NLGN3: variants seen among roughly 807,000 people sequenced by gnomAD.
NLGN3 encodes the protein neuroligin-3.
In NLGN3, 11 loss-of-function variants were observed where a neutral mutation model predicts 42.9. That is an observed-to-expected ratio of 0.26 (90% CI 0.16 to 0.42). The LOEUF (loss-of-function observed/expected upper bound fraction) is 0.42. NLGN3 is among the 10% of genes least tolerant of loss of function. The pLI is 1.00. For synonymous variants in NLGN3, 279 were observed against 312.7 expected (o/e 0.89, Z 1.14); for missense variants, 374 against 733.8 (o/e 0.51, Z 5.67).
Position 71,170,664 on chromosome X carries a change from G to A in NLGN3, c.*567G>A. The A allele has an allele frequency of 1.3e-6, 1 of 769,804 alleles. No individual in the cohort carries two copies. The highest frequency in any genetic ancestry group is 1.5e-6 in the Non-Finnish European group (1 of 648,129). 63.4% of individuals were successfully genotyped at this position (769,804 alleles called of 1,213,427 possible). The stretch of plus-strand genomic sequence containing the variant: ...GGGCTTCAGGCCCGAAGGTCTCTCT[G>A]GCTCTAGGACCCCCAGTGCTCACAC... On this transcript the variant is annotated 3_prime_UTR_variant, in exon 8 of 8. Transcript: ENST00000358741.
At chrX:71,172,627 C>CGTGTGTGT (rs59876964), downstream of NLGN3, among the ~76,000 whole-genome samples, 902 of 100,504 alleles carry the variant, frequency 9.0e-3, 12 homozygotes, top group African/African-American at 0.028. Context: ...TGTGTGCATG[C>CGTGTGTGT]GTGTGTGTGT....
At position 71,169,835 on chromosome X, in the gene NLGN3, A is replaced by T; in HGVS notation, c.2285A>T (p.Glu762Val). Reference protein sequence around the residue: ...APELGAAPEEELAALQLGPTH... With the variant: ...APELGAAPEEVLAALQLGPTH... The stretch of plus-strand genomic sequence containing the variant: ...GAGTTGGGAGCTGCTCCAGAGGAGG[A>T]GCTGGCAGCATTACAACTGGGCCCC... Residue 762 changes from glutamate to valine, a missense_variant, in exon 8 of 8, where the codon GAG becomes GTG. Glu to Val is a moderately radical substitution (Grantham distance 121). This residue lies in a region of NLGN3 where 92 missense variants were observed against 108.0 expected (regional missense o/e 0.85). Coordinates refer to ENST00000358741, the MANE Select transcript of NLGN3 (RefSeq NM_181303.2). 8.3e-7 allele frequency: 1 copy of T among 1,202,670 alleles called. No individual in the cohort carries two copies. Among genetic ancestry groups the T allele is most frequent in the African/African-American group, 1.7e-5 (1 of 57,327 alleles).
chrX:71,167,505 C>T lies in NLGN3; in HGVS notation c.1408C>T (p.Arg470Cys). 8.3e-7 allele frequency: 1 copy of T among 1,211,191 alleles called. No homozygotes were observed. Among genetic ancestry groups the T allele is most frequent in the East Asian group, 3.0e-5 (1 of 33,823 alleles). Residue 470 changes from arginine (R) to cysteine (C), a missense_variant, in exon 7 of 8, where the codon CGC (arginine) becomes TGC (cysteine). Transcript: ENST00000358741. ...GGCAGACCGTGACAACCCTGAGACC[C>T]GCCGTAAAACACTGGTGGCACTCTT... The part of the protein sequence containing the change: ...DWADRDNPET[R>C]RKTLVALFTD...
At chrX:71,159,738 T>A (rs979811437) in intron 5 of NLGN3, among the ~76,000 whole-genome samples, 5 of 108,174 alleles carry the variant, frequency 4.6e-5, no homozygotes. Flanking sequence ...TTTTTTTTTT[T>A]AATTGAGACA....
At chrX:71,173,256 T>C (rs918890382), downstream of NLGN3, among the ~76,000 whole-genome samples, 3 of 111,410 alleles carry the variant, frequency 2.7e-5, no homozygotes, top group Non-Finnish European at 5.7e-5. Context: ...GCCTCTCCTC[T>C]AAGAACTCAA....
intron 3 of NLGN3, among the ~76,000 whole-genome samples, chrX:71,152,493 G>A (rs1030213283): frequency 1.8e-5 from 2 of 110,430 alleles, no homozygotes; most frequent in Non-Finnish European, 1.9e-5. Context: ...GGTGTGAATC[G>A]CACCTCTAGC....
intron 3 of NLGN3, 22 bp downstream of exon 3, chrX:71,148,927 AGG>A (rs1190425731): frequency 4.1e-6 from 4 of 980,815 alleles, no homozygotes; most frequent in Non-Finnish European, 4.1e-6. Flanking sequence ...GCCGGCGGGG[AGG>A]GAGAGAGAGA....
At chrX:71,151,137 G>T (rs2147870433) in intron 3 of NLGN3, among the ~76,000 whole-genome samples, 1 of 110,602 alleles carries the variant, frequency 9.0e-6, no homozygotes, top group African/African-American at 3.3e-5. Flanking sequence ...GGCCAATATG[G>T]TGAAACCCCA....
intron 3 of NLGN3, among the ~76,000 whole-genome samples, chrX:71,152,090 A>G (rs1283413043): frequency 9.0e-6 from 1 of 111,414 alleles, no homozygotes; most frequent in African/African-American, 3.3e-5. Flanking sequence ...ATCAGAGTCC[A>G]GACCGGCTGG....
intron 4 of NLGN3, 72 bp downstream of exon 4, chrX:71,153,608 C>A: frequency 3.2e-6 from 3 of 925,861 alleles, no homozygotes; most frequent in African/African-American, 1.9e-5. Flanking sequence ...TGGGGAGAAG[C>A]CCCGTCTGTC....
intron 7 of NLGN3, among the ~76,000 whole-genome samples, chrX:71,168,828 AGAAAGAAAGAAAG>A (rs1569485663): frequency 7.1e-5 from 5 of 70,115 alleles, no homozygotes; most frequent in African/African-American, 4.0e-4. Context: ...AAAAAAAGAA[AGAAAGAAAGAAAG>A]AAAGAAAGAA....
intron 7 of NLGN3, among the ~76,000 whole-genome samples, chrX:71,168,816 A>G (rs866954439): frequency 2.1e-5 from 1 of 47,477 alleles, no homozygotes; most frequent in African/African-American, 3.3e-4. Context: ...AAGAAAGAGA[A>G]AAAAAAAAGA....
chrX:71,171,078 T>G lies in NLGN3; in HGVS notation c.*981T>G, dbSNP rs2092470095. 2 of 154,726 alleles carry G rather than the reference T, an allele frequency of 1.3e-5. No homozygotes were observed. Among genetic ancestry groups the G allele is most frequent in the Non-Finnish European group, 2.0e-5 (2 of 99,010 alleles). The allele number at this position is 154,726 out of a possible 1,213,427, so 12.8% of individuals were successfully genotyped here. ...AGGCGGTGTTTTTTGTTGTTGTTGGTTTTTTTTTTTTTTTAAAGAAAAGTT... is the reference window on the plus strand; with the variant it reads ...AGGCGGTGTTTTTTGTTGTTGTTGGGTTTTTTTTTTTTTTAAAGAAAAGTT... On this transcript the variant is annotated 3_prime_UTR_variant, in exon 8 of 8. Coordinates refer to ENST00000358741, the MANE Select transcript of NLGN3 (RefSeq NM_181303.2).
chrX:71,146,358 G>GGCGTGGGTGT (rs1474936572), intron 1 of NLGN3, among the ~76,000 whole-genome samples: 1 of 107,998 alleles, frequency 9.3e-6, no homozygotes, highest in Non-Finnish European at 1.9e-5. Flanking sequence ...ATGTGCATGT[G>GGCGTGGGTGT]GCGTGGGTGT....
In NLGN3 at chrX:71,147,806, C is replaced by A; in HGVS notation, c.57C>A (p.Gly19=). 1 of 1,210,193 alleles carries A rather than the reference C, an allele frequency of 8.3e-7. No individual in the cohort carries two copies. The highest frequency in any genetic ancestry group is 3.0e-5 in the East Asian group (1 of 33,781). ...CCCTGAGCCCCAAGCCCACGGTTGG[C>A]AGGAGCCTGTGCCTCACCCTGTGGT... ...SLSLSPKPTV[G]RSLCLTLWFL... is the part of the protein sequence containing the mutation. The change falls in exon 2 of 8, where the codon GGC becomes GGA. Residue 19 remains glycine, a synonymous_variant. Coordinates refer to ENST00000358741, the MANE Select transcript of NLGN3 (RefSeq NM_181303.2).
At chrX:71,157,287 C>CTTCT (rs2092412733) in intron 5 of NLGN3, among the ~76,000 whole-genome samples, 1 of 99,886 alleles carries the variant, frequency 1.0e-5, no homozygotes. Context: ...TTTTAATTTG[C>CTTCT]TTATTTATTT....
chrX:71,154,312 G>C (rs990683501), intron 4 of NLGN3, among the ~76,000 whole-genome samples: 10 of 113,357 alleles, frequency 8.8e-5, no homozygotes, highest in Admixed American at 1.8e-4. Context: ...CAGCTCAGGG[G>C]GGCCCAGTGG....
chrX:71,169,120 A>G, intron 7 of NLGN3, 134 bp from the exon 8 acceptor site: 1 of 712,887 alleles, frequency 1.4e-6, no homozygotes, highest in Non-Finnish European at 2.1e-6. Context: ...TGGGCAGAGC[A>G]GGGGACCCTG....
At chrX:71,160,213 CTT>C (rs754499358) in intron 5 of NLGN3, among the ~76,000 whole-genome samples, 2 of 95,736 alleles carry the variant, frequency 2.1e-5, no homozygotes, top group African/African-American at 3.9e-5. Context: ...TTCTTTCTTT[CTT>C]TTTTTTTTTT....
Sources: gnomAD v4.1 joint callset for allele counts (sites outside exome capture counted in the v4.1 genomes callset) on GRCh38, gnomAD v4.1.1 for gene constraint, gnomAD v4.1.1 regional missense constraint, MANE v1.5 for transcripts, NCBI Gene and HGNC (gene_info 2026-07-23, HGNC 2026-07-21) for gene names.